The following OXNAD1 variants were observed in gnomAD, a reference collection of about 807,000 sequenced individuals.
The protein encoded by OXNAD1 is oxidoreductase NAD-binding domain-containing protein 1.
Under a neutral mutation model 32.9 loss-of-function variants are expected in OXNAD1, and 34 were observed. That is an observed-to-expected ratio of 1.03 (90% CI 0.79 to 1.38). OXNAD1 has a LOEUF of 1.38. Ranked by LOEUF, OXNAD1 falls within the 40% of genes most tolerant of loss-of-function variation. The pLI, the probability that OXNAD1 is intolerant of heterozygous loss-of-function variation, is 0.00. For missense variants in OXNAD1, 407 were observed against 379.4 expected (o/e 1.07, Z -0.60); for synonymous variants, 134 against 135.2 (o/e 0.99, Z 0.06).
downstream of OXNAD1, among the ~76,000 whole-genome samples, chr3:16,306,368 G>T (rs1044754710): frequency 1.3e-5 from 2 of 151,976 alleles, no homozygotes; most frequent in African/African-American, 4.8e-5. Context: ...CAATTGTATC[G>T]TGTCACTTCT....
chr3:16,338,364 A>T (rs1361380027), downstream of OXNAD1, among the ~76,000 whole-genome samples: 1 of 152,188 alleles, frequency 6.6e-6, no homozygotes. This position sits in a 1 kb window ranked among gnomAD's most constrained non-coding sequence, Gnocchi z 5.3. Flanking sequence ...GCTGGGGCCA[A>T]CTCTGACCCG....
intron 6 of OXNAD1, among the ~76,000 whole-genome samples, chr3:16,300,135 T>G (rs2067075284): frequency 6.6e-6 from 1 of 152,198 alleles, no homozygotes; most frequent in Non-Finnish European, 1.5e-5. Context: ...ACCAACTCGG[T>G]CAGATCCAAT....
intron 9 of OXNAD1, chr3:16,323,558 C>T: frequency 7.4e-6 from 6 of 806,008 alleles, no homozygotes; most frequent in South Asian, 3.1e-5. Context: ...GCAGACCACC[C>T]ACAGGATTAT....
intron 9 of OXNAD1, among the ~76,000 whole-genome samples, chr3:16,324,789 ATGCAGATCCCTCTTCTGCATAC>A (rs2069530736): frequency 4.6e-5 from 7 of 152,064 alleles, no homozygotes; most frequent in Admixed American, 4.6e-4. Context: ...GATCATGGAA[ATGCAGATCCCTCTTCTGCATAC>A]TGATTTCAGT....
At chr3:16,319,202 A>G (rs961224111) in intron 9 of OXNAD1, among the ~76,000 whole-genome samples, 1 of 152,178 alleles carries the variant, frequency 6.6e-6, no homozygotes, top group African/African-American at 2.4e-5. Context: ...ACGTGTTTTT[A>G]GAAAAGGACC....
At chr3:16,266,767 A>G (rs193087817) in intron 1 of OXNAD1, among the ~76,000 whole-genome samples, 8 of 152,302 alleles carry the variant, frequency 5.3e-5, no homozygotes, top group Admixed American at 4.6e-4. Context: ...TCAATGTATT[A>G]GGATTGATTT....
rs1157256687 is a variant in OXNAD1, at chr3:16,286,464, G to T, written c.290+16G>T. 1 of 1,600,052 alleles carries T rather than the reference G, an allele frequency of 6.2e-7. No homozygotes were observed. Among genetic ancestry groups the T allele is most frequent in the East Asian group, 2.2e-5 (1 of 44,762 alleles). On this transcript the variant is annotated intron_variant, in intron 5 of 8. Transcript: ENST00000285083. ...CTGGCCAGTGGTAAGTGACTTTTCT[G>T]TGTTCCATGTATGTATGTTCAAGAA... is the stretch of plus-strand genomic sequence containing the variant.
rs905489021 is a variant in OXNAD1, at chr3:16,301,967, A to G, written c.675+99A>G. ...GTTTTGTTTTCTCTGCAAAGGTTCA[A>G]ACAAAAGGCTTGGCAAGATTTAATC... is the stretch of plus-strand genomic sequence containing the variant. On this transcript the variant is annotated intron_variant, in intron 7 of 8. Transcript: ENST00000285083. This position sits in a 1 kb window ranked among gnomAD's most constrained non-coding sequence, Gnocchi z 4.1. 6.9e-7 allele frequency: 1 copy of G among 1,451,264 alleles called. No individual in the cohort carries two copies. The highest frequency in any genetic ancestry group is 9.3e-7 in the Non-Finnish European group (1 of 1,078,834). The allele number at this position is 1,451,264 out of a possible 1,614,324, so 89.9% of individuals were successfully genotyped here.
rs1305836388 is a variant in OXNAD1, at chr3:16,301,740, C to A, written c.547C>A (p.Pro183Thr). Residue 183 changes from proline (P) to threonine (T), a missense_variant, in exon 7 of 9, where the codon CCT becomes ACT. Physicochemically the swap from Pro to Thr is conservative, Grantham distance 38 (BLOSUM62 -1). Transcript: ENST00000285083. The surrounding 1 kb of genome is among the most constrained non-coding windows in gnomAD (Gnocchi z 4.1). ...VLIAGGVGIN[P>T]LLSILRHAAD... ...GATTGCAGGAGGAGTCGGAATTAAC[C>A]CTCTGCTTTCCATCCTGCGGCACGC... is the stretch of plus-strand genomic sequence containing the variant. The A allele has an allele frequency of 1.9e-6, 3 of 1,613,884 alleles. No homozygotes were observed. Among genetic ancestry groups the A allele is most frequent in the African/African-American group, 1.3e-5 (1 of 74,882 alleles).
rs563972345 is a variant in OXNAD1, at chr3:16,288,144, C to T, written c.290+1696C>T. On this transcript the variant is annotated intron_variant, in intron 5 of 8. Coordinates refer to ENST00000285083, the MANE Select transcript of OXNAD1 (RefSeq NM_138381.5). The surrounding 1 kb of genome is among the most constrained non-coding windows in gnomAD (Gnocchi z 5.1). ...AGAATGGCCATTTTGCTGAGGTTGG[C>T]GGTGTCTGTCCCTTCCATGCTGTTG... Among the ~76,000 whole-genome samples the T allele has an allele frequency of 2.0e-5, 3 of 152,228 alleles. No individual in the cohort carries two copies. The highest frequency in any genetic ancestry group is 2.9e-5 in the Non-Finnish European group (2 of 68,024).
intron 5 of OXNAD1, among the ~76,000 whole-genome samples, chr3:16,291,448 A>G (rs906428908): frequency 6.6e-6 from 1 of 152,130 alleles, no homozygotes; most frequent in African/African-American, 2.4e-5. Context: ...GATGACCACT[A>G]ATCTATTTTG....
At chr3:16,300,877 G>A (rs1306762892) in intron 6 of OXNAD1, among the ~76,000 whole-genome samples, 5 of 152,156 alleles carry the variant, frequency 3.3e-5, no homozygotes, top group Admixed American at 2.0e-4. Flanking sequence ...AAATCATTGT[G>A]ACAATAAAAA....
chr3:16,318,492 C>A (rs1374775080), intron 9 of OXNAD1, among the ~76,000 whole-genome samples: 1 of 152,098 alleles, frequency 6.6e-6, no homozygotes, highest in African/African-American at 2.4e-5. Flanking sequence ...CTAGGAAAAA[C>A]CAAAAATGTG....
intron 9 of OXNAD1, among the ~76,000 whole-genome samples, chr3:16,315,363 G>C (rs781142629): frequency 2.0e-5 from 3 of 152,158 alleles, no homozygotes; most frequent in Admixed American, 2.0e-4. Context: ...TGATCAGCCT[G>C]CCTCAGCCTC....
rs1333574260 is a variant in OXNAD1 at position 16,304,100 on chromosome 3, T to C, written c.*538T>C. 1 of 152,358 alleles carries C rather than the reference T, an allele frequency of 6.6e-6. No homozygotes were observed. The highest frequency in any genetic ancestry group is 1.5e-5 in the Non-Finnish European group (1 of 68,140). 9.4% of individuals were successfully genotyped at this position (152,358 alleles called of 1,614,324 possible). ...AAAGTTAAGTTTGGACATGGAAAAT[T>C]GTTAGGAAAACTGCTTTAGGGAGTT... On this transcript the variant is annotated 3_prime_UTR_variant, in exon 9 of 9. Transcript: ENST00000285083. The surrounding 1 kb of genome is among the most constrained non-coding windows in gnomAD (Gnocchi z 4.6).
In OXNAD1 at chr3:16,335,189, C is replaced by T. The variant is rs1340740399; in HGVS notation, c.*31-1923C>T. 1.3e-5 allele frequency among the ~76,000 whole-genome samples: 2 copies of T among 152,142 alleles called. No homozygotes were observed. The highest frequency in any genetic ancestry group is 3.8e-4 in the East Asian group (2 of 5,196). On this transcript the variant is annotated intron_variant, in intron 9 of 9. Coordinates refer to the OXNAD1 transcript ENST00000435829. This position sits in a 1 kb window ranked among gnomAD's most constrained non-coding sequence, Gnocchi z 4.7. ...CAGGAAATTAATCCACAGCTCAGGG[C>T]CAGGAAAAGGCTGGGATGGGGATAA... is the stretch of plus-strand genomic sequence containing the variant.
chr3:16,272,663 T>G, intron 4 of OXNAD1, among the ~76,000 whole-genome samples: 1 of 151,098 alleles, frequency 6.6e-6, no homozygotes, highest in South Asian at 2.1e-4. Flanking sequence ...TTTTTTTTTT[T>G]TTTTGAGAAG....
rs147381948 is a variant in OXNAD1, at chr3:16,318,242, T to G, written c.*30+14650T>G. 3.3e-3 allele frequency among the ~76,000 whole-genome samples: 479 copies of G among 144,106 alleles called. 1 individual carries two copies. Among genetic ancestry groups the G allele is most frequent in the African/African-American group, 0.011 (431 of 38,646 alleles). The allele number at this position is 144,106 out of a possible 152,430, so 94.5% of individuals were successfully genotyped here. A position where few individuals can be genotyped will look rare whatever the true frequency, so the allele number is the denominator to read the frequency against. On this transcript the variant is annotated intron_variant, in intron 9 of 9. Transcript: ENST00000435829. ...TCATCTCGGTGGCCCAGAGTGCACG[T>G]GGGGTTTTAGTTTTCAGTTCCCACC...
At position 16,344,185 on chromosome 3, in the gene OXNAD1, G is replaced by A. The variant is rs561426357; in HGVS notation, c.*31-4991G>A. Among the ~76,000 whole-genome samples the A allele has an allele frequency of 1.6e-4, 25 of 152,256 alleles. No homozygotes were observed. The highest frequency in any genetic ancestry group is 3.2e-4 in the Non-Finnish European group (22 of 68,016). On this transcript the variant is annotated intron_variant, in intron 9 of 9. Coordinates refer to the OXNAD1 transcript ENST00000606098. The surrounding 1 kb of genome is among the most constrained non-coding windows in gnomAD (Gnocchi z 4.4). ...TTTTGGAGCTTAAATACAATTTGTT[G>A]ATACTTAAATGTATTCCTATTACAT...
Sources: allele counts gnomAD v4.1 joint callset (sites outside exome capture counted in the v4.1 genomes callset), GRCh38; gene constraint gnomAD v4.1.1; non-coding constraint Gnocchi (gnomAD v3.1); transcripts MANE v1.5; gene names NCBI Gene and HGNC (gene_info 2026-07-23, HGNC 2026-07-21).